The following PRPF6 variants were observed in gnomAD, a reference collection of about 807,000 sequenced individuals.
PRPF6 encodes the protein pre-mRNA processing factor 6.
Under a neutral mutation model 118.3 loss-of-function variants are expected in PRPF6, and 42 were observed. The ratio of observed to expected loss-of-function variants is 0.35; its 90% CI spans 0.28 to 0.46. The LOEUF (loss-of-function observed/expected upper bound fraction) is 0.46. PRPF6 is among the 20% of genes least tolerant of loss of function. The probability of loss-of-function intolerance (pLI) is 1.00; values close to 1 mark genes in which losing one functional copy is unlikely to be tolerated. For missense variants in PRPF6, 662 were observed against 1,255.7 expected, an observed-to-expected ratio of 0.53 and a Z score of 7.15; for synonymous variants, 481 against 485.1, an observed-to-expected ratio of 0.99 and a Z score of 0.11.
chr20:63,983,468 C>CTT (rs570846288), intron 2 of PRPF6, among the ~76,000 whole-genome samples: 5 of 129,040 alleles, frequency 3.9e-5, no homozygotes, highest in African/African-American at 1.5e-4. Flanking sequence ...ATTGCCCAGT[C>CTT]TTTTTTTTTT....
chr20:63,999,032 G>C lies in PRPF6; in HGVS notation c.772-13G>C, dbSNP rs780036288. Reference sequence around the variant, plus strand: ...TCATGTCCAGCTGACTCTTAGCTTGGCCTGTCTCACAGGTGTCTGACTCCG... The same window carrying C: ...TCATGTCCAGCTGACTCTTAGCTTGCCCTGTCTCACAGGTGTCTGACTCCG... On this transcript the variant is annotated splice_polypyrimidine_tract_variant and intron_variant, in intron 6 of 20. Coordinates refer to ENST00000266079, the MANE Select transcript of PRPF6 (RefSeq NM_012469.4). 2.0e-5 allele frequency: 32 copies of C among 1,608,468 alleles called. No homozygotes were observed. The Middle Eastern group carries it at 1.5e-3, about 76-fold the overall frequency.
At chr20:64,022,494 G>C (rs1433560017) in intron 12 of PRPF6, among the ~76,000 whole-genome samples, 1 of 152,196 alleles carries the variant, frequency 6.6e-6, no homozygotes, top group Non-Finnish European at 1.5e-5. Flanking sequence ...TTTTAGTAGA[G>C]ATAGGTTTTC....
intron 11 of PRPF6, among the ~76,000 whole-genome samples, chr20:64,016,224 T>C (rs2059237392): frequency 6.6e-6 from 1 of 151,652 alleles, no homozygotes; most frequent in Admixed American, 6.6e-5. Context: ...CGGGTTCAAG[T>C]GATTCTCCTG....
intron 3 of PRPF6, among the ~76,000 whole-genome samples, chr20:63,986,423 C>A (rs2059093568): frequency 6.7e-6 from 1 of 149,966 alleles, no homozygotes; most frequent in African/African-American, 2.5e-5. Flanking sequence ...AAGGGTGGTT[C>A]AACATATGCA....
intron 9 of PRPF6, among the ~76,000 whole-genome samples, chr20:64,002,853 AGGCT>A (rs2059174050): frequency 6.8e-6 from 1 of 146,846 alleles, no homozygotes; most frequent in African/African-American, 2.5e-5. Flanking sequence ...TGTGTTGACC[AGGCT>A]GGTCTTGAAC....
In PRPF6 at chr20:64,028,995, C is replaced by A. The variant is rs913044710; in HGVS notation, c.2432-382C>A. Among the ~76,000 whole-genome samples, 3 of 152,224 alleles carry A rather than the reference C, an allele frequency of 2.0e-5. No homozygotes were observed. The highest frequency in any genetic ancestry group is 3.4e-3 in the Middle Eastern group (1 of 294). On this transcript the variant is annotated intron_variant, in intron 18 of 20. Coordinates refer to ENST00000266079, the MANE Select transcript of PRPF6 (RefSeq NM_012469.4). This position sits in a 1 kb window ranked among gnomAD's most constrained non-coding sequence, Gnocchi z 6.5. ...CCAGCCTGGCCAACATGGTGAAACC[C>A]CGTCTCTACTAAAATACAAAAATGA...
Position 64,026,022 on chromosome 20 carries a change from G to T in PRPF6, c.1992G>T (p.Leu664=). The stretch of plus-strand genomic sequence containing the variant: ...ATGAGTACGAGCGGGCCCGGAGGCT[G>T]CTGGCCAAGGCGCGGAGCAGTGCCC... ...ENDEYERARR[L]LAKARSSAPT... Residue 664 remains leucine (L), a synonymous_variant, in exon 15 of 21, where the codon CTG becomes CTT. Coordinates refer to ENST00000266079, the MANE Select transcript of PRPF6 (RefSeq NM_012469.4). The surrounding 1 kb of genome is among the most constrained non-coding windows in gnomAD (Gnocchi z 4.4). 1 of 1,610,104 alleles carries T rather than the reference G, an allele frequency of 6.2e-7. No homozygotes were observed. Among genetic ancestry groups the T allele is most frequent in the Non-Finnish European group, 8.5e-7 (1 of 1,179,972 alleles).
chr20:63,989,210 CCT>C, intron 3 of PRPF6, among the ~76,000 whole-genome samples: 1 of 152,214 alleles, frequency 6.6e-6, no homozygotes. Flanking sequence ...AAACTAGACC[CCT>C]CTCTGTCACC....
intron 9 of PRPF6, among the ~76,000 whole-genome samples, chr20:64,008,773 A>G (rs891930416): frequency 6.6e-6 from 1 of 152,326 alleles, no homozygotes; most frequent in Middle Eastern, 3.4e-3. Flanking sequence ...TTGATTCTCT[A>G]GCATTCTCCA....
Position 64,033,038 on chromosome 20 carries a change from G to T in PRPF6, c.*45G>T, listed in dbSNP as rs573998106. 1.1e-5 allele frequency: 17 copies of T among 1,611,274 alleles called. No homozygotes were observed. Among genetic ancestry groups the T allele is most frequent in the Non-Finnish European group, 1.3e-5 (15 of 1,179,468 alleles). ...GGTCTCCGTGGGGCAGGGTTGGGCCGCATGTGGAAGGGCTCTGAGCTGTGT... is the reference window on the plus strand; with the variant it reads ...GGTCTCCGTGGGGCAGGGTTGGGCCTCATGTGGAAGGGCTCTGAGCTGTGT... On this transcript the variant is annotated 3_prime_UTR_variant, in exon 21 of 21. Coordinates refer to ENST00000266079, the MANE Select transcript of PRPF6 (RefSeq NM_012469.4).
intron 9 of PRPF6, among the ~76,000 whole-genome samples, chr20:64,007,823 G>T (rs1426578093): frequency 6.6e-6 from 1 of 151,986 alleles, no homozygotes; most frequent in Non-Finnish European, 1.5e-5. Flanking sequence ...TGTCACCCAG[G>T]CTAGAGTGCA....
At position 64,029,780 on chromosome 20, in the gene PRPF6, G is replaced by A. The variant is rs1335814291; in HGVS notation, c.2546+289G>A. ...GGACGCGTGTGATTCACACTGGTGC[G>A]CTGGCCGCCAGGTCAGAGACTCACC... is the stretch of plus-strand genomic sequence containing the variant. On this transcript the variant is annotated intron_variant, in intron 19 of 20. Coordinates refer to ENST00000266079, the MANE Select transcript of PRPF6 (RefSeq NM_012469.4). This position sits in a 1 kb window ranked among gnomAD's most constrained non-coding sequence, Gnocchi z 4.8. Among the ~76,000 whole-genome samples, 3 of 112,438 alleles carry A rather than the reference G, an allele frequency of 2.7e-5. No homozygotes were observed. Among genetic ancestry groups the A allele is most frequent in the South Asian group, 3.2e-4 (1 of 3,168 alleles). The allele number at this position is 112,438 out of a possible 152,430, so 73.8% of individuals were successfully genotyped here. A position where few individuals can be genotyped will look rare whatever the true frequency, so the allele number is the denominator to read the frequency against.
intron 13 of PRPF6, 127 bp downstream of exon 13, chr20:64,023,005 G>T: frequency 2.1e-6 from 3 of 1,440,414 alleles, no homozygotes; most frequent in Non-Finnish European, 2.9e-6. Context: ...TGGCCCTCTG[G>T]TTGTGATGAA....
chr20:64,028,610 TCCGG>T lies in PRPF6; in HGVS notation c.2431+42_2431+45del, dbSNP rs2059302076. The T allele has an allele frequency of 6.2e-7, 1 of 1,600,752 alleles. No individual in the cohort carries two copies. Among genetic ancestry groups the T allele is most frequent in the African/African-American group, 1.3e-5 (1 of 74,464 alleles). ...GACTCCGGTAAGGGGGTGCCCTGAC[TCCGG>T]TAAGGGGGTGCCTTGACTCCGGTAA... On this transcript the variant is annotated intron_variant, in intron 18 of 20. Coordinates refer to ENST00000266079, the MANE Select transcript of PRPF6 (RefSeq NM_012469.4). This position sits in a 1 kb window ranked among gnomAD's most constrained non-coding sequence, Gnocchi z 6.5.
intron 19 of PRPF6, among the ~76,000 whole-genome samples, chr20:64,031,696 A>AAAC (rs1569227290): frequency 6.8e-6 from 1 of 147,614 alleles, no homozygotes; most frequent in African/African-American, 2.6e-5. Context: ...AAAAAACAAC[A>AAAC]AAAAAAAACC....
chr20:63,989,082 T>G (rs2059107429), intron 3 of PRPF6, among the ~76,000 whole-genome samples: 1 of 151,856 alleles, frequency 6.6e-6, no homozygotes, highest in African/African-American at 2.4e-5. Flanking sequence ...CAGAAACAAA[T>G]AGGTACCTCT....
At chr20:64,000,471 A>C (rs1212785947) in intron 8 of PRPF6, among the ~76,000 whole-genome samples, 7 of 151,572 alleles carry the variant, frequency 4.6e-5, no homozygotes, top group East Asian at 3.9e-4. Flanking sequence ...AAAAAAAAAA[A>C]AACAACAAAA....
chr20:63,989,890 A>G (rs1356141311), intron 3 of PRPF6, among the ~76,000 whole-genome samples: 3 of 151,950 alleles, frequency 2.0e-5, no homozygotes, highest in Non-Finnish European at 2.9e-5. Context: ...TAATTTTAGA[A>G]TAGTAAAATA....
At position 64,011,545 on chromosome 20, in the gene PRPF6, C is replaced by T; in HGVS notation, c.1524+42C>T. ...TGTCGTGGTGTCTGCTTTAACAGTG[C>T]ACATGCAGCACGTGAGAGTCCCACG... On this transcript the variant is annotated intron_variant, in intron 11 of 20. Coordinates refer to ENST00000266079, the MANE Select transcript of PRPF6 (RefSeq NM_012469.4). The surrounding 1 kb of genome is among the most constrained non-coding windows in gnomAD (Gnocchi z 6.7). The T allele has an allele frequency of 6.4e-7, 1 of 1,569,970 alleles. No individual in the cohort carries two copies. Among genetic ancestry groups the T allele is most frequent in the Admixed American group, 1.8e-5 (1 of 54,348 alleles).
Sources: allele counts gnomAD v4.1 joint callset (sites outside exome capture counted in the v4.1 genomes callset), GRCh38; gene constraint gnomAD v4.1.1; non-coding constraint Gnocchi (gnomAD v3.1); transcripts MANE v1.5; gene names NCBI Gene and HGNC (gene_info 2026-07-23, HGNC 2026-07-21).